RGS7: variants seen among roughly 807,000 people sequenced by gnomAD.
RGS7 encodes the protein regulator of G protein signaling 7.
A neutral mutation model predicts 81.1 loss-of-function variants in RGS7; 27 were observed. The observed-to-expected ratio is 0.33, with a 90% CI of 0.25 to 0.46. RGS7 has a LOEUF of 0.46. RGS7 is among the 20% of genes least tolerant of loss of function. The pLI, the probability that RGS7 is intolerant of heterozygous loss-of-function variation, is 1.00. For synonymous variants in RGS7, 208 were observed against 207.7 expected (o/e 1.00, Z -0.01); for missense variants, 396 against 607.4 (o/e 0.65, Z 3.66).
intron 3 of RGS7, among the ~76,000 whole-genome samples, chr1:241,070,435 G>A (rs894654463): frequency 1.1e-4 from 17 of 151,836 alleles, no homozygotes; most frequent in African/African-American, 3.4e-4. Flanking sequence ...GTTTCTTAAC[G>A]TTCATCCAGC....
At chr1:241,333,846 CT>C (rs1349185284) in intron 2 of RGS7, among the ~76,000 whole-genome samples, 1 of 150,734 alleles carries the variant, frequency 6.6e-6, no homozygotes, top group Non-Finnish European at 1.5e-5. Context: ...ATTTTTGCAT[CT>C]TAGTTGTCTC....
intron 3 of RGS7, among the ~76,000 whole-genome samples, chr1:241,016,277 TG>T (rs1383723751): frequency 5.3e-5 from 8 of 152,140 alleles, no homozygotes; most frequent in Non-Finnish European, 1.0e-4. Flanking sequence ...CCTAGCACTT[TG>T]GGAGGCCAAG....
In RGS7 at chr1:241,197,518, T is replaced by C. The variant is rs1469387001; in HGVS notation, c.79-98756A>G. ...ATCCGCCCGCCTCGGCCTCCCAAAG[T>C]GCTGGGATTACAGGCGTGAGCCACC... On this transcript the variant is annotated intron_variant, in intron 2 of 18. Transcript: ENST00000440928. 1.1e-3 allele frequency among the ~76,000 whole-genome samples: 6 copies of C among 5,412 alleles called. 3 individuals carry two copies. Among genetic ancestry groups the C allele is most frequent in the Non-Finnish European group, 2.1e-3 (4 of 1,896 alleles). 3.6% of individuals were successfully genotyped at this position (5,412 alleles called of 152,430 possible). A position where few individuals can be genotyped will look rare whatever the true frequency, so the allele number is the denominator to read the frequency against.
chr1:241,244,562 T>A (rs9724646), intron 2 of RGS7, among the ~76,000 whole-genome samples: 86,086 of 151,918 alleles, frequency 0.57, 24,807 homozygotes, highest in African/African-American at 0.66. Flanking sequence ...TCCTCAAGGA[T>A]CTAGAACTAG....
intron 2 of RGS7, among the ~76,000 whole-genome samples, chr1:241,127,107 A>T (rs557203129): frequency 6.6e-6 from 1 of 152,296 alleles, no homozygotes; most frequent in Non-Finnish European, 1.5e-5. Context: ...GTAATATCAT[A>T]GAGAGAATCC....
At chr1:240,946,786 T>A (rs1446748579) in intron 4 of RGS7, among the ~76,000 whole-genome samples, 4 of 152,098 alleles carry the variant, frequency 2.6e-5, no homozygotes, top group Non-Finnish European at 4.4e-5. Context: ...GCAGGAAGAA[T>A]AAGTTTTGGT....
intron 3 of RGS7, among the ~76,000 whole-genome samples, chr1:241,047,733 CTTTTT>C (rs34738551): frequency 1.1e-5 from 1 of 89,514 alleles, no homozygotes; most frequent in African/African-American, 4.6e-5. Context: ...GTTTACAATC[CTTTTT>C]TTTTTTTTTT....
chr1:240,943,605 C>T (rs1677974200), intron 4 of RGS7, among the ~76,000 whole-genome samples: 4 of 152,074 alleles, frequency 2.6e-5, no homozygotes, highest in Non-Finnish European at 4.4e-5. Context: ...TTTTAAACGC[C>T]CCAGGTGATC....
intron 2 of RGS7, among the ~76,000 whole-genome samples, chr1:241,136,507 G>GT (rs1237209683): frequency 6.6e-6 from 1 of 152,132 alleles, no homozygotes; most frequent in Non-Finnish European, 1.5e-5. Context: ...CCTGCCTTGT[G>GT]TGGCCACAGC....
chr1:241,245,612 G>C (rs536207427), intron 2 of RGS7, among the ~76,000 whole-genome samples: 1 of 148,732 alleles, frequency 6.7e-6, no homozygotes, highest in African/African-American at 2.5e-5. Context: ...TTCAAGACCA[G>C]CCTGACCAAC....
At chr1:240,787,202 T>A (rs1685215466) in intron 18 of RGS7, among the ~76,000 whole-genome samples, 1 of 152,216 alleles carries the variant, frequency 6.6e-6, no homozygotes, top group African/African-American at 2.4e-5. Flanking sequence ...TTTTTTGTTT[T>A]CTCACATATC....
chr1:240,863,534 A>G (rs1662641919), intron 9 of RGS7, among the ~76,000 whole-genome samples: 1 of 152,232 alleles, frequency 6.6e-6, no homozygotes, highest in Admixed American at 6.5e-5. Context: ...TAACGTATGT[A>G]GGTTGTTACA....
At chr1:240,898,844 C>T (rs938498759) in intron 6 of RGS7, among the ~76,000 whole-genome samples, 4 of 152,036 alleles carry the variant, frequency 2.6e-5, no homozygotes, top group African/African-American at 9.7e-5. Context: ...TCCTTGTTAA[C>T]TTTCTGTCTC....
intron 2 of RGS7, among the ~76,000 whole-genome samples, chr1:241,131,101 TA>T (rs979344043): frequency 1.3e-5 from 2 of 152,158 alleles, no homozygotes; most frequent in African/African-American, 4.8e-5. Context: ...CATTTTTTTT[TA>T]ATGAGTAAAA....
At chr1:241,244,800 T>C (rs992515045) in intron 2 of RGS7, among the ~76,000 whole-genome samples, 1 of 152,044 alleles carries the variant, frequency 6.6e-6, no homozygotes, top group Non-Finnish European at 1.5e-5. Context: ...GTTCATGTCC[T>C]TTGTAGGGAC....
chr1:240,827,134 C>A lies in RGS7; in HGVS notation c.648G>T (p.Lys216Asn), dbSNP rs1337441461. Residue 216 changes from lysine to asparagine, a missense_variant, in exon 10 of 19, where the codon AAG (lysine) becomes AAT (asparagine). Lys to Asn is a moderately conservative substitution (Grantham distance 94, BLOSUM62 0). Transcript: ENST00000440928. ...CVNTTEVDIK[K>N]SSRMRNPHKT... ...TGTGGGGGTTTCTCATTCTGGATGA[C>A]TTCTTAATGTCCACTTCAGTTGTAT... 1 of 1,613,818 alleles carries A rather than the reference C, an allele frequency of 6.2e-7. No individual in the cohort carries two copies.
In RGS7 at chr1:240,863,336, G is replaced by T. The variant is rs190559482; in HGVS notation, c.609+5251C>A. On this transcript the variant is annotated intron_variant, in intron 9 of 18. Coordinates refer to ENST00000440928, the MANE Select transcript of RGS7 (RefSeq NM_001364886.1). ...TAAAAATACAAAAAATTAGCTGGGC[G>T]TGGTGGCATGCGCCTGTAATTCCAG... Among the ~76,000 whole-genome samples, 183 of 152,192 alleles carry T rather than the reference G, an allele frequency of 1.2e-3. 1 individual carries two copies. Among genetic ancestry groups the T allele is most frequent in the African/African-American group, 4.3e-3 (179 of 41,536 alleles).
chr1:241,067,871 T>C (rs1025617484), intron 3 of RGS7, among the ~76,000 whole-genome samples: 2 of 144,902 alleles, frequency 1.4e-5, no homozygotes, highest in South Asian at 4.2e-4. Flanking sequence ...ATTATAGGCA[T>C]AATTTTAATC....
rs68166816 is a variant in RGS7 at position 241,162,222 on chromosome 1, G to GCCCCCCCCCCCCCGCC, written c.79-63461_79-63460insGGCGGGGGGGGGGGGG. Among the ~76,000 whole-genome samples, 57 of 142,090 alleles carry GCCCCCCCCCCCCCGCC rather than the reference G, an allele frequency of 4.0e-4. 2 individuals carry two copies. The highest frequency in any genetic ancestry group is 1.4e-3 in the African/African-American group (54 of 38,058). The allele number at this position is 142,090 out of a possible 152,430, so 93.2% of individuals were successfully genotyped here. A position where few individuals can be genotyped will look rare whatever the true frequency, so the allele number is the denominator to read the frequency against. Reference sequence around the variant, plus strand: ...ATAAAACACCTGAAACTGGTGATCAGCTTCCAAATAAGATCTCAGAAGTTG... The same window carrying GCCCCCCCCCCCCCGCC: ...ATAAAACACCTGAAACTGGTGATCAGCCCCCCCCCCCCCGCCCTTCCAAATAAGATCTCAGAAGTTG... On this transcript the variant is annotated intron_variant, in intron 2 of 18. Transcript: ENST00000440928.
Sources: gnomAD v4.1 joint callset for allele counts (sites outside exome capture counted in the v4.1 genomes callset) on GRCh38, gnomAD v4.1.1 for gene constraint, MANE v1.5 for transcripts, NCBI Gene and HGNC (gene_info 2026-07-23, HGNC 2026-07-21) for gene names.